SUPT3H: variants seen among roughly 807,000 people sequenced by gnomAD.
SUPT3H encodes the protein transcription initiation protein SPT3 homolog.
SUPT3H carries 44 observed loss-of-function variants against 44.3 expected under a neutral mutation model. The observed-to-expected ratio is 0.99, with a 90% CI of 0.78 to 1.28. SUPT3H has a LOEUF of 1.28. SUPT3H is among the 50% of genes most tolerant of loss of function. SUPT3H has a pLI of 0.00. For synonymous variants in SUPT3H, 124 were observed against 125.6 expected (o/e 0.99, Z 0.09); for missense variants, 380 against 387.1 (o/e 0.98, Z 0.15).
At position 45,211,140 on chromosome 6, in the gene SUPT3H, C is replaced by T. The variant is rs73735313; in HGVS notation, c.102-105134G>A. Among the ~76,000 whole-genome samples, 1,093 of 152,100 alleles carry T rather than the reference C, an allele frequency of 7.2e-3. 18 individuals carry two copies. Among genetic ancestry groups the T allele is most frequent in the African/African-American group, 0.025 (1,041 of 41,476 alleles). On this transcript the variant is annotated intron_variant, in intron 2 of 10. Transcript: ENST00000371459. ...AAAATTTTAATGAGTCAAAATTTCC[C>T]AACATAACTGTCTTTGAAAATAACA...
chr6:44,924,031 C>T (rs1018664435), intron 10 of SUPT3H, among the ~76,000 whole-genome samples: 2 of 152,072 alleles, frequency 1.3e-5, no homozygotes, highest in Non-Finnish European at 2.9e-5. Context: ...TTCTTTGTGA[C>T]ATCTTTAAGT....
chr6:45,201,243 T>A (rs1260219862), intron 2 of SUPT3H, among the ~76,000 whole-genome samples: 5 of 151,694 alleles, frequency 3.3e-5, no homozygotes, highest in Non-Finnish European at 7.4e-5. Flanking sequence ...TTCAGTGTAA[T>A]CCTAGAGTTT....
At chr6:45,007,165 T>C (rs973615413) in intron 5 of SUPT3H, among the ~76,000 whole-genome samples, 4 of 152,138 alleles carry the variant, frequency 2.6e-5, no homozygotes, top group African/African-American at 9.6e-5. Context: ...AGTCCAATTA[T>C]AATGTGATTC....
intron 2 of SUPT3H, among the ~76,000 whole-genome samples, chr6:45,111,221 CAG>C (rs1384095370): frequency 6.6e-6 from 1 of 151,904 alleles, no homozygotes; most frequent in Non-Finnish European, 1.5e-5. Flanking sequence ...TTAGTAGAGA[CAG>C]GGTTTCACCA....
At chr6:45,053,697 G>A (rs548417003) in intron 3 of SUPT3H, among the ~76,000 whole-genome samples, 77 of 122,750 alleles carry the variant, frequency 6.3e-4, no homozygotes, top group Admixed American at 9.9e-4. Flanking sequence ...AGGAGATCAA[G>A]ACCATCCTGT....
intron 2 of SUPT3H, among the ~76,000 whole-genome samples, chr6:45,223,486 A>T (rs1766404232): frequency 6.6e-6 from 1 of 152,042 alleles, no homozygotes; most frequent in Non-Finnish European, 1.5e-5. Flanking sequence ...TAGAAATTCC[A>T]ATCTAAAATT....
chr6:45,120,972 T>G (rs2153579207), intron 2 of SUPT3H, among the ~76,000 whole-genome samples: 1 of 152,322 alleles, frequency 6.6e-6, no homozygotes, highest in African/African-American at 2.4e-5. Flanking sequence ...TTCATCATAC[T>G]ATTAATAGAT....
intron 10 of SUPT3H, among the ~76,000 whole-genome samples, chr6:44,925,702 G>A (rs1025907266): frequency 6.6e-5 from 10 of 152,084 alleles, no homozygotes; most frequent in African/African-American, 2.2e-4. Context: ...CACCTTCCCT[G>A]TGACATAAGA....
intron 5 of SUPT3H, among the ~76,000 whole-genome samples, chr6:45,012,192 G>A (rs568905311): frequency 9.3e-5 from 14 of 150,948 alleles, no homozygotes; most frequent in Non-Finnish European, 2.1e-4. Flanking sequence ...TGAATTAGTA[G>A]ACTGGTAGTT....
intron 2 of SUPT3H, among the ~76,000 whole-genome samples, chr6:45,239,342 TTGC>T (rs1266471587): frequency 1.3e-5 from 2 of 152,244 alleles, no homozygotes; most frequent in Non-Finnish European, 2.9e-5. Flanking sequence ...GATTGCCTAG[TTGC>T]TACTGCAGTA....
chr6:44,924,975 T>C (rs1377201583), intron 10 of SUPT3H, among the ~76,000 whole-genome samples: 1 of 152,202 alleles, frequency 6.6e-6, no homozygotes, highest in African/African-American at 2.4e-5. Flanking sequence ...AAACCTAATG[T>C]GCTCATGACA....
chr6:44,947,955 G>A (rs987541300), intron 9 of SUPT3H, among the ~76,000 whole-genome samples: 12 of 152,106 alleles, frequency 7.9e-5, no homozygotes, highest in Admixed American at 3.3e-4. Flanking sequence ...TTAGGACACA[G>A]GCAATAAATA....
At chr6:44,820,449 T>A (rs189216025) in intron 11 of SUPT3H, among the ~76,000 whole-genome samples, 255 of 152,216 alleles carry the variant, frequency 1.7e-3, no homozygotes, top group African/African-American at 5.9e-3. Flanking sequence ...AATGTTGAGA[T>A]ATGAAGATGA....
At chr6:45,262,279 A>G (rs976837822) in intron 2 of SUPT3H, among the ~76,000 whole-genome samples, 1 of 152,040 alleles carries the variant, frequency 6.6e-6, no homozygotes, top group Non-Finnish European at 1.5e-5. Context: ...AATTCTAAGC[A>G]AAAAGAAAAG....
chr6:45,165,845 CAA>C (rs1351263485), intron 2 of SUPT3H, among the ~76,000 whole-genome samples: 1 of 152,022 alleles, frequency 6.6e-6, no homozygotes, highest in African/African-American at 2.4e-5. Context: ...ACAGAGAACA[CAA>C]GAGCTGTGAG....
chr6:44,971,611 C>T (rs562678443), intron 6 of SUPT3H, among the ~76,000 whole-genome samples: 1 of 152,234 alleles, frequency 6.6e-6, no homozygotes, highest in Admixed American at 6.5e-5. Context: ...CCCAATGGGT[C>T]CTTCCCATGA....
intron 10 of SUPT3H, among the ~76,000 whole-genome samples, chr6:44,853,867 C>A (rs1773311426): frequency 6.6e-6 from 1 of 151,526 alleles, no homozygotes; most frequent in South Asian, 2.1e-4. Flanking sequence ...GATAAAAATA[C>A]TTTACTAGTG....
chr6:45,162,068 A>C (rs1809077224), intron 2 of SUPT3H, among the ~76,000 whole-genome samples: 1 of 152,126 alleles, frequency 6.6e-6, no homozygotes, highest in African/African-American at 2.4e-5. Context: ...GAACTGACAA[A>C]GGTAATGCCA....
At chr6:45,111,509 T>C (rs1800052008) in intron 2 of SUPT3H, among the ~76,000 whole-genome samples, 1 of 151,786 alleles carries the variant, frequency 6.6e-6, no homozygotes, top group Non-Finnish European at 1.5e-5. Flanking sequence ...TAGAAGGTCA[T>C]GGCATACATT....
Sources: allele counts gnomAD v4.1 joint callset (sites outside exome capture counted in the v4.1 genomes callset), GRCh38; gene constraint gnomAD v4.1.1; transcripts MANE v1.5; gene names NCBI Gene and HGNC (gene_info 2026-07-23, HGNC 2026-07-21).